The following CNIH3 variants were observed in gnomAD, a reference collection of about 807,000 sequenced individuals.
The protein encoded by CNIH3 is cornichon family AMPA receptor auxiliary protein 3.
In CNIH3, 14 loss-of-function variants were observed where a neutral mutation model predicts 24.1. That is an observed-to-expected ratio of 0.58 (90% CI 0.38 to 0.91). The LOEUF is 0.91. Ranked by LOEUF, CNIH3 falls within the 40% of genes least tolerant of loss-of-function variation. CNIH3 has a pLI of 0.00. For synonymous variants in CNIH3, 68 were observed against 73.8 expected, an observed-to-expected ratio of 0.92 and a Z score of 0.40; for missense variants, 178 against 196.8, an observed-to-expected ratio of 0.90 and a Z score of 0.57.
rs1228930223 is a variant in CNIH3, at chr1:224,693,971, A to G, written c.198+9128A>G. On this transcript the variant is annotated intron_variant, in intron 3 of 5. Transcript: ENST00000272133. ...AAAATGCCCCATGGGGGGCCACGGT[A>G]GAGAGACACTCTGGGAAATATTTGG... Among the ~76,000 whole-genome samples, 10 of 152,352 alleles carry G rather than the reference A, an allele frequency of 6.6e-5. No homozygotes were observed. The South Asian group carries it at 1.9e-3, about 28-fold the overall frequency.
At chr1:224,696,663 A>T (rs1332307035) in intron 3 of CNIH3, among the ~76,000 whole-genome samples, 2 of 152,166 alleles carry the variant, frequency 1.3e-5, no homozygotes, top group African/African-American at 2.4e-5. Context: ...GTTGGCTTTG[A>T]TGGAACAGCC....
intron 1 of CNIH3, among the ~76,000 whole-genome samples, chr1:224,680,012 T>A (rs1686325436): frequency 6.6e-6 from 1 of 152,218 alleles, no homozygotes; most frequent in African/African-American, 2.4e-5. Flanking sequence ...TTTCACCATG[T>A]TGGCCAGGCT....
At chr1:224,569,101 C>G (rs565338152) in intron 4 of CNIH3, among the ~76,000 whole-genome samples, 19 of 152,340 alleles carry the variant, frequency 1.2e-4, no homozygotes, top group African/African-American at 4.6e-4. Flanking sequence ...CTCCCAACCT[C>G]AGGTGATCTG....
intron 3 of CNIH3, among the ~76,000 whole-genome samples, chr1:224,565,111 C>T (rs1339933400): frequency 6.6e-6 from 1 of 152,190 alleles, no homozygotes; most frequent in Non-Finnish European, 1.5e-5. Context: ...GGTCCCCATT[C>T]CCCCAAATAG....
At chr1:224,677,924 A>G (rs902154830) in intron 1 of CNIH3, among the ~76,000 whole-genome samples, 7 of 152,314 alleles carry the variant, frequency 4.6e-5, no homozygotes, top group African/African-American at 1.4e-4. Flanking sequence ...CAGTGACTGT[A>G]TCAAAATATA....
chr1:224,444,551 TA>T (rs1427536484), intron 1 of CNIH3, among the ~76,000 whole-genome samples: 1 of 151,944 alleles, frequency 6.6e-6, no homozygotes, highest in African/African-American at 2.4e-5. Flanking sequence ...GGTTTCACCA[TA>T]TTGGCCAGGC....
downstream of CNIH3, among the ~76,000 whole-genome samples, chr1:224,589,929 T>G (rs1021658083): frequency 6.6e-6 from 1 of 151,960 alleles, no homozygotes; most frequent in Non-Finnish European, 1.5e-5. Context: ...CAGGCTGGAG[T>G]GCAGTGGCAC....
chr1:224,435,275 G>A, intron 1 of CNIH3: 19 of 941,448 alleles, frequency 2.0e-5, no homozygotes, highest in Non-Finnish European at 2.2e-5. Flanking sequence ...TGGTAACCAG[G>A]ACCGAAATCG....
At chr1:224,490,770 G>A (rs1219610453) in intron 1 of CNIH3, among the ~76,000 whole-genome samples, 5 of 152,124 alleles carry the variant, frequency 3.3e-5, no homozygotes, top group Non-Finnish European at 7.3e-5. Flanking sequence ...AAATTTAAAG[G>A]AGTTTAACTG....
chr1:224,474,149 G>A (rs1676472728), intron 1 of CNIH3, among the ~76,000 whole-genome samples: 1 of 152,114 alleles, frequency 6.6e-6, no homozygotes, highest in African/African-American at 2.4e-5. Flanking sequence ...CAGATCATGT[G>A]AGGTCAGGAG....
chr1:224,663,709 G>A (rs572091390), intron 1 of CNIH3, among the ~76,000 whole-genome samples: 5 of 152,250 alleles, frequency 3.3e-5, no homozygotes, highest in African/African-American at 9.6e-5. Flanking sequence ...CATTCCCCTC[G>A]TCTGGTACCC....
At chr1:224,729,412 C>CAAAAAAAAA (rs1184318000) in intron 3 of CNIH3, among the ~76,000 whole-genome samples, 1 of 44,594 alleles carries the variant, frequency 2.2e-5, no homozygotes, top group Non-Finnish European at 4.4e-5. Context: ...ACTATGTCTC[C>CAAAAAAAAA]AAAAAAAAAA....
intron 1 of CNIH3, among the ~76,000 whole-genome samples, chr1:224,518,777 C>G (rs1290273076): frequency 6.6e-6 from 1 of 152,194 alleles, no homozygotes; most frequent in East Asian, 1.9e-4. Context: ...TAGGCAACAA[C>G]CCGTACAGCT....
At chr1:224,561,767 A>G (rs1452760893) in intron 3 of CNIH3, among the ~76,000 whole-genome samples, 2 of 152,176 alleles carry the variant, frequency 1.3e-5, no homozygotes, top group African/African-American at 2.4e-5. Flanking sequence ...ATCTCCCCCA[A>G]CAAGTATCTT....
At chr1:224,522,919 C>T (rs1244173393) in intron 2 of CNIH3, among the ~76,000 whole-genome samples, 4 of 152,092 alleles carry the variant, frequency 2.6e-5, no homozygotes, top group South Asian at 2.1e-4. Flanking sequence ...TCTATGTGTG[C>T]GTATGTGTAA....
chr1:224,499,449 CGTT>C (rs1319869662), intron 1 of CNIH3, among the ~76,000 whole-genome samples: 1 of 152,126 alleles, frequency 6.6e-6, no homozygotes, highest in Non-Finnish European at 1.5e-5. Context: ...ACTAATCAAT[CGTT>C]GTTTTTGTTG....
intron 3 of CNIH3, among the ~76,000 whole-genome samples, chr1:224,691,035 G>T (rs1686906642): frequency 6.6e-6 from 1 of 152,242 alleles, no homozygotes; most frequent in Non-Finnish European, 1.5e-5. Flanking sequence ...GAAAGCAGGG[G>T]TTGGAAGAGA....
intron 1 of CNIH3, among the ~76,000 whole-genome samples, chr1:224,622,733 C>T (rs1244773648): frequency 6.6e-6 from 1 of 152,216 alleles, no homozygotes; most frequent in Non-Finnish European, 1.5e-5. Context: ...GAGGCTCTTG[C>T]CAGGCAATTG....
chr1:224,497,347 C>A (rs914622730), intron 1 of CNIH3, among the ~76,000 whole-genome samples: 2 of 152,108 alleles, frequency 1.3e-5, no homozygotes, highest in Admixed American at 1.3e-4. Context: ...GAACTGTATA[C>A]TTTAACAAAT....
Sources: gnomAD v4.1 joint callset for allele counts (sites outside exome capture counted in the v4.1 genomes callset) on GRCh38, gnomAD v4.1.1 for gene constraint, MANE v1.5 for transcripts, NCBI Gene and HGNC (gene_info 2026-07-23, HGNC 2026-07-21) for gene names.